Variants in GRAMD1C observed in about 807,000 individuals in gnomAD.
GRAMD1C encodes protein Aster-C.
In GRAMD1C, 89 loss-of-function variants were observed where a neutral mutation model predicts 97.8. The observed-to-expected ratio is 0.91, with a 90% CI of 0.77 to 1.09. The LOEUF (loss-of-function observed/expected upper bound fraction) is 1.09. Among genes scored for constraint, GRAMD1C ranks in the 50% least tolerant of loss-of-function variants. GRAMD1C has a pLI of 0.00. For missense variants in GRAMD1C, 740 were observed against 766.4 expected, an observed-to-expected ratio of 0.97 and a Z score of 0.41; for synonymous variants, 256 against 267.0, an observed-to-expected ratio of 0.96 and a Z score of 0.40.
At chr3:113,882,235 C>G (rs1182261802) in intron 5 of GRAMD1C, among the ~76,000 whole-genome samples, 2 of 152,102 alleles carry the variant, frequency 1.3e-5, no homozygotes, top group African/African-American at 4.8e-5. Flanking sequence ...AGCATGGGTA[C>G]TTTATAATTA....
In GRAMD1C at chr3:113,904,279, A is replaced by G. The variant is rs1559805231; in HGVS notation, c.789+7A>G. On this transcript the variant is annotated splice_region_variant and intron_variant, in intron 8 of 17. Transcript: ENST00000358160. ...TGGAAATTCATCAAAAGGAGTTAGTATATGATATCCCTTTTAAAATATATC... is the reference window on the plus strand; with the variant it reads ...TGGAAATTCATCAAAAGGAGTTAGTGTATGATATCCCTTTTAAAATATATC... 5 of 1,575,706 alleles carry G rather than the reference A, an allele frequency of 3.2e-6. No individual in the cohort carries two copies. Among genetic ancestry groups the G allele is most frequent in the African/African-American group, 2.7e-5 (2 of 74,348 alleles).
At chr3:113,920,341 C>G (rs1025357377) in intron 10 of GRAMD1C, 2 of 352,810 alleles carry the variant, frequency 5.7e-6, no homozygotes, top group African/African-American at 4.3e-5. Flanking sequence ...TCTTACAGTG[C>G]TGCATTTATT....
At chr3:113,887,708 C>CCA (rs1935566864) in intron 6 of GRAMD1C, among the ~76,000 whole-genome samples, 1 of 47,538 alleles carries the variant, frequency 2.1e-5, no homozygotes, top group Non-Finnish European at 4.2e-5. Context: ...ACTCCGTCTC[C>CCA]AAAAAAAAAA....
intron 10 of GRAMD1C, among the ~76,000 whole-genome samples, chr3:113,920,708 T>A (rs892960723): frequency 6.6e-6 from 1 of 151,812 alleles, no homozygotes; most frequent in Non-Finnish European, 1.5e-5. Context: ...ACCCAGCTAA[T>A]TTTTTTGTAT....
At chr3:113,890,940 AC>A in intron 6 of GRAMD1C, 1 of 507,166 alleles carries the variant, frequency 2.0e-6, no homozygotes, top group East Asian at 3.1e-5. Context: ...GCCAAGAAAC[AC>A]TGCATTTACT....
chr3:113,842,115 A>G (rs540702661), intron 1 of GRAMD1C, among the ~76,000 whole-genome samples: 14 of 152,260 alleles, frequency 9.2e-5, no homozygotes, highest in Non-Finnish European at 1.5e-4. Context: ...AGGGCAATGT[A>G]TACCACCATC....
rs750439517 is a variant in GRAMD1C at position 113,869,602 on chromosome 3, A to C, written c.259+11A>C. 4 of 1,299,432 alleles carry C rather than the reference A, an allele frequency of 3.1e-6. No homozygotes were observed. In the Admixed American group the frequency reaches 9.0e-5, roughly 29 times the overall value. 80.5% of individuals were successfully genotyped at this position (1,299,432 alleles called of 1,614,324 possible). ...AGAGGCTGATAGCAGGTAAAATAGA[A>C]ATTTTCAAAAAAAAGTTTTATTACC... On this transcript the variant is annotated intron_variant, in intron 3 of 17. Transcript: ENST00000358160.
At chr3:113,876,703 A>C (rs1935050837) in intron 5 of GRAMD1C, among the ~76,000 whole-genome samples, 2 of 152,170 alleles carry the variant, frequency 1.3e-5, no homozygotes, top group Admixed American at 1.3e-4. Context: ...TTTATTATTC[A>C]CCTACAATGT....
intron 10 of GRAMD1C, among the ~76,000 whole-genome samples, chr3:113,925,856 C>G (rs923383535): frequency 6.6e-6 from 1 of 152,170 alleles, no homozygotes; most frequent in African/African-American, 2.4e-5. Context: ...ATATGAAATT[C>G]TTGGTCTTAG....
In GRAMD1C at chr3:113,939,849, GAA is replaced by G. The variant is rs749102316; in HGVS notation, c.1692-34_1692-33del. ...CTGCATTAGCAATGCTTTAGGTCTG[GAA>G]AAGTGTGGATTAACATATAATTTGC... On this transcript the variant is annotated intron_variant, in intron 15 of 17. Coordinates refer to ENST00000358160, the MANE Select transcript of GRAMD1C (RefSeq NM_017577.5). 1.6e-5 allele frequency: 18 copies of G among 1,109,700 alleles called. 1 individual carries two copies. The South Asian group carries it at 2.2e-4, about 14-fold the overall frequency. The allele number at this position is 1,109,700 out of a possible 1,614,324, so 68.7% of individuals were successfully genotyped here.
At chr3:113,841,997 C>G (rs896543630) in intron 1 of GRAMD1C, among the ~76,000 whole-genome samples, 4 of 152,224 alleles carry the variant, frequency 2.6e-5, no homozygotes, top group African/African-American at 9.6e-5. Flanking sequence ...CATACCCAGC[C>G]TGTTGTCCCA....
At chr3:113,924,361 T>A (rs1937162817) in intron 10 of GRAMD1C, among the ~76,000 whole-genome samples, 1 of 152,172 alleles carries the variant, frequency 6.6e-6, no homozygotes, top group Admixed American at 6.5e-5. Context: ...CTAGGTGTGA[T>A]GTTAGATTGT....
intron 2 of GRAMD1C, among the ~76,000 whole-genome samples, chr3:113,857,665 C>T (rs1446220046): frequency 2.0e-5 from 3 of 152,090 alleles, no homozygotes; most frequent in East Asian, 1.9e-4. Context: ...CATGAGCCAC[C>T]GTGTCCAGCC....
At chr3:113,938,252 A>T in intron 15 of GRAMD1C, 109 bp downstream of exon 15, 1 of 497,722 alleles carries the variant, frequency 2.0e-6, no homozygotes, top group Non-Finnish European at 3.4e-6. Flanking sequence ...AATTGCCACT[A>T]TTTGACTATT....
chr3:113,839,954 C>CCA (rs1374008925), intron 1 of GRAMD1C, among the ~76,000 whole-genome samples: 2 of 151,912 alleles, frequency 1.3e-5, no homozygotes, highest in Non-Finnish European at 1.5e-5. Context: ...ACTGATGATG[C>CCA]CACACACACA....
At chr3:113,898,832 A>T (rs1936036055) in intron 6 of GRAMD1C, among the ~76,000 whole-genome samples, 1 of 152,162 alleles carries the variant, frequency 6.6e-6, no homozygotes, top group Non-Finnish European at 1.5e-5. Context: ...ATATTATCTG[A>T]TAATATCTGA....
chr3:113,921,476 C>T (rs1044344321), intron 10 of GRAMD1C, among the ~76,000 whole-genome samples: 8 of 152,162 alleles, frequency 5.3e-5, no homozygotes, highest in Non-Finnish European at 1.0e-4. Context: ...AGTAGATACC[C>T]AGTAATGGGA....
chr3:113,844,765 T>G, intron 2 of GRAMD1C, 116 bp downstream of exon 2: 1 of 686,656 alleles, frequency 1.5e-6, no homozygotes, highest in South Asian at 2.1e-5. Flanking sequence ...TTTAGATGTT[T>G]CAATTTTAGT....
chr3:113,880,751 T>C (rs1935228046), intron 5 of GRAMD1C, among the ~76,000 whole-genome samples: 1 of 152,210 alleles, frequency 6.6e-6, no homozygotes, highest in Non-Finnish European at 1.5e-5. Context: ...TATATTTTCA[T>C]ATGTAATTCT....
Sources: gnomAD v4.1 joint callset for allele counts (sites outside exome capture counted in the v4.1 genomes callset) on GRCh38, gnomAD v4.1.1 for gene constraint, MANE v1.5 for transcripts, NCBI Gene and HGNC (gene_info 2026-07-23, HGNC 2026-07-21) for gene names.